The following C6 variants were observed in gnomAD, a reference collection of about 807,000 sequenced individuals.
The protein encoded by C6 is complement component C6.
In C6, 101 loss-of-function variants were observed where a neutral mutation model predicts 112.9. That is an observed-to-expected ratio of 0.89 (90% CI 0.76 to 1.06). C6 has a LOEUF of 1.06. Ranked by LOEUF, C6 falls within the 50% of genes least tolerant of loss-of-function variation. The pLI, the probability that C6 is intolerant of heterozygous loss-of-function variation, is 0.00. For synonymous variants in C6, 431 were observed against 384.1 expected, an observed-to-expected ratio of 1.12 and a Z score of -1.43; for missense variants, 1,202 against 1,104.6, an observed-to-expected ratio of 1.09 and a Z score of -1.25.
rs111482515 is a variant in C6, at chr5:41,240,344, T to C, written c.-21+20850A>G. Reference sequence around the variant, plus strand: ...ACACAGCCACTGGTGGTAGCAGGTTTAGGCAGGCCAATTCTTGAGCCTCCA... The same window carrying C: ...ACACAGCCACTGGTGGTAGCAGGTTCAGGCAGGCCAATTCTTGAGCCTCCA... On this transcript the variant is annotated intron_variant, in intron 1 of 17. Coordinates refer to the C6 transcript ENST00000263413. Among the ~76,000 whole-genome samples the C allele has an allele frequency of 9.8e-3, 1,495 of 152,182 alleles. 32 individuals are homozygous for C. The highest frequency in any genetic ancestry group is 0.034 in the African/African-American group (1,407 of 41,496).
intron 10 of C6, among the ~76,000 whole-genome samples, chr5:41,161,029 G>C (rs1349564768): frequency 6.6e-6 from 1 of 152,114 alleles, no homozygotes; most frequent in African/African-American, 2.4e-5. Flanking sequence ...AACATGTAGA[G>C]CTCAACACAT....
rs1740011218 is a variant in C6 at position 41,233,109 on chromosome 5, A to C, written c.-21+28085T>G. 1.3e-5 allele frequency among the ~76,000 whole-genome samples: 2 copies of C among 152,112 alleles called. 1 individual carries two copies. The highest frequency in any genetic ancestry group is 4.1e-4 in the South Asian group (2 of 4,838). On this transcript the variant is annotated intron_variant, in intron 1 of 17. Coordinates refer to the C6 transcript ENST00000263413. ...AAATTAATTTGACAACATATTATAA[A>C]CATTTATTCATATAAAGTTTTGTTT... is the stretch of plus-strand genomic sequence containing the variant.
At chr5:41,182,599 T>C (rs1250544728) in intron 6 of C6, among the ~76,000 whole-genome samples, 2 of 152,190 alleles carry the variant, frequency 1.3e-5, no homozygotes, top group Admixed American at 6.5e-5. Context: ...TAAGCTACAA[T>C]ACTACAAAAG....
intron 1 of C6, among the ~76,000 whole-genome samples, chr5:41,226,881 A>T (rs1327296644): frequency 6.6e-6 from 1 of 152,142 alleles, no homozygotes; most frequent in East Asian, 1.9e-4. Context: ...GGTTGATTCC[A>T]TATCTTGGTT....
chr5:41,144,138 A>G (rs1007913846), intron 17 of C6, among the ~76,000 whole-genome samples: 3 of 152,046 alleles, frequency 2.0e-5, no homozygotes, highest in Non-Finnish European at 4.4e-5. Context: ...TCTTTCTCCT[A>G]TGTCATCTGC....
At chr5:41,203,517 T>C (rs1751196876) in intron 1 of C6, 3 of 416,812 alleles carry the variant, frequency 7.2e-6, no homozygotes, top group Non-Finnish European at 1.4e-5. Context: ...AGACAAAGTA[T>C]GTAGCATGTA....
At chr5:41,247,682 C>T (rs1476794208) in intron 1 of C6, among the ~76,000 whole-genome samples, 2 of 148,368 alleles carry the variant, frequency 1.3e-5, no homozygotes, top group Non-Finnish European at 3.0e-5. Flanking sequence ...CGCGCCACTG[C>T]ACTCCAGCCT....
At chr5:41,178,348 T>G (rs1274828396) in intron 7 of C6, among the ~76,000 whole-genome samples, 1 of 152,194 alleles carries the variant, frequency 6.6e-6, no homozygotes, top group Non-Finnish European at 1.5e-5. Context: ...ACGAAACAAC[T>G]AAAGCTTTAT....
intron 8 of C6, among the ~76,000 whole-genome samples, chr5:41,172,877 T>C (rs1748544351): frequency 6.6e-6 from 1 of 152,174 alleles, no homozygotes; most frequent in South Asian, 2.1e-4. Flanking sequence ...TGGCCATGCT[T>C]CTTCCGTGAA....
chr5:41,164,732 G>T (rs2150282416), intron 9 of C6, among the ~76,000 whole-genome samples: 1 of 152,140 alleles, frequency 6.6e-6, no homozygotes, highest in Non-Finnish European at 1.5e-5. Context: ...CTGAAAACTG[G>T]GGTCCATATG....
intron 1 of C6, among the ~76,000 whole-genome samples, chr5:41,226,989 G>A (rs956872310): frequency 5.9e-5 from 9 of 152,002 alleles, no homozygotes; most frequent in Non-Finnish European, 1.2e-4. Context: ...GAGAATGCTG[G>A]ATCATATGGA....
intron 5 of C6, 58 bp downstream of exon 5, chr5:41,195,732 CCT>C: frequency 6.5e-7 from 1 of 1,549,670 alleles, no homozygotes; most frequent in African/African-American, 1.4e-5. Context: ...CTCATTGCTC[CCT>C]CTGACTCATT....
chr5:41,161,576 A>T, intron 10 of C6, 117 bp downstream of exon 10: 2 of 872,884 alleles, frequency 2.3e-6, no homozygotes, highest in Admixed American at 1.7e-5. Flanking sequence ...TGAATACTAA[A>T]GAAAGGCATT....
intron 17 of C6, among the ~76,000 whole-genome samples, chr5:41,148,023 C>T (rs67047100): frequency 0.21 from 31,454 of 152,048 alleles, 3,497 homozygotes; most frequent in South Asian, 0.33. Flanking sequence ...ATGGCAAAAA[C>T]ATTTCTGGAT....
At chr5:41,143,153 A>C (rs567338553) in intron 17 of C6, 147 bp from the exon 18 acceptor site, 1 of 715,496 alleles carries the variant, frequency 1.4e-6, no homozygotes, top group Non-Finnish European at 2.4e-6. Context: ...GAAAGCCAAA[A>C]AATAAAAATT....
At chr5:41,259,422 C>T (rs1370004721) in intron 1 of C6, among the ~76,000 whole-genome samples, 2 of 149,654 alleles carry the variant, frequency 1.3e-5, no homozygotes, top group Non-Finnish European at 3.0e-5. Context: ...AGGCTCTTGA[C>T]AAATGTTAAT....
At chr5:41,191,151 C>T (rs1231036884) in intron 5 of C6, among the ~76,000 whole-genome samples, 1 of 145,310 alleles carries the variant, frequency 6.9e-6, no homozygotes, top group South Asian at 2.2e-4. Context: ...ACTGCAACCT[C>T]CACCTCCCGG....
intron 1 of C6, among the ~76,000 whole-genome samples, chr5:41,208,038 G>A (rs1368969534): frequency 6.6e-6 from 1 of 152,172 alleles, no homozygotes; most frequent in Non-Finnish European, 1.5e-5. Context: ...TCACATCACA[G>A]TGCAATCAAA....
intron 1 of C6, among the ~76,000 whole-genome samples, chr5:41,229,386 C>T (rs957543537): frequency 5.3e-5 from 8 of 151,468 alleles, no homozygotes; most frequent in African/African-American, 1.9e-4. Flanking sequence ...TTACCACTCT[C>T]ATTGTGTCAA....
Sources: allele counts gnomAD v4.1 joint callset (sites outside exome capture counted in the v4.1 genomes callset), GRCh38; gene constraint gnomAD v4.1.1; transcripts MANE v1.5; gene names NCBI Gene and HGNC (gene_info 2026-07-23, HGNC 2026-07-21).